WIPF3: variants seen among roughly 807,000 people sequenced by gnomAD.
The protein encoded by WIPF3 is WAS/WASL interacting protein family member 3.
A neutral mutation model predicts 38.9 loss-of-function variants in WIPF3; 33 were observed. That is an observed-to-expected ratio of 0.85 (90% CI 0.64 to 1.14). The LOEUF is 1.14. WIPF3 is among the 50% of genes most tolerant of loss of function. The pLI is 0.00. For synonymous variants in WIPF3, 324 were observed against 269.3 expected (o/e 1.20, Z -1.99); for missense variants, 711 against 652.5 (o/e 1.09, Z -0.98).
intron 2 of WIPF3, among the ~76,000 whole-genome samples, chr7:29,846,043 AAG>A (rs1453139320): frequency 2.0e-5 from 3 of 152,262 alleles, no homozygotes; most frequent in African/African-American, 7.2e-5. Flanking sequence ...AAAATTAAAA[AAG>A]AACACCCTCA....
rs140127472 is a variant in WIPF3, at chr7:29,823,670, A to T, written c.-57-10998A>T. 1.6e-3 allele frequency among the ~76,000 whole-genome samples: 241 copies of T among 152,234 alleles called. 1 individual carries two copies. Among genetic ancestry groups the T allele is most frequent in the Middle Eastern group, 3.4e-3 (1 of 294 alleles). On this transcript the variant is annotated intron_variant, in intron 1 of 8. Transcript: ENST00000242140. This position sits in a 1 kb window ranked among gnomAD's most constrained non-coding sequence, Gnocchi z 4.0. ...ATCTCATGTCGAACTGTAATCCCCAATGTTGGAGGTGGGGCCTGGTGGCAG... is the reference window on the plus strand; with the variant it reads ...ATCTCATGTCGAACTGTAATCCCCATTGTTGGAGGTGGGGCCTGGTGGCAG...
At chr7:29,849,254 A>G (rs956962678) in intron 2 of WIPF3, among the ~76,000 whole-genome samples, 5 of 152,040 alleles carry the variant, frequency 3.3e-5, no homozygotes, top group African/African-American at 1.2e-4. Flanking sequence ...CTTTTCTCCT[A>G]AGAGTGGAAA....
chr7:29,856,442 A>G (rs750779286), intron 2 of WIPF3, among the ~76,000 whole-genome samples: 6 of 152,094 alleles, frequency 3.9e-5, no homozygotes, highest in Non-Finnish European at 5.9e-5. Flanking sequence ...AGCATGAGCA[A>G]CAAAATGAGA....
At chr7:29,812,625 A>G (rs1440931664) in intron 1 of WIPF3, among the ~76,000 whole-genome samples, 1 of 152,240 alleles carries the variant, frequency 6.6e-6, no homozygotes, top group Non-Finnish European at 1.5e-5. Context: ...CTCATTGGCC[A>G]GAACAGTGTC....
intron 2 of WIPF3, among the ~76,000 whole-genome samples, chr7:29,853,887 A>G (rs73686252): frequency 0.024 from 3,595 of 152,270 alleles, 123 homozygotes; most frequent in African/African-American, 0.073. Flanking sequence ...TCCTTCTACT[A>G]CCGTTTTCCT....
At chr7:29,896,558 G>T (rs1427783346) in intron 7 of WIPF3, among the ~76,000 whole-genome samples, 2 of 152,176 alleles carry the variant, frequency 1.3e-5, no homozygotes, top group African/African-American at 4.8e-5. Flanking sequence ...GGAGGTTGCA[G>T]TGAGCCATAA....
intron 2 of WIPF3, among the ~76,000 whole-genome samples, chr7:29,843,454 G>A (rs372473332): frequency 2.6e-5 from 4 of 152,160 alleles, no homozygotes; most frequent in Admixed American, 6.5e-5. Flanking sequence ...AGCATAAGCC[G>A]CTCGCAGGCG....
At chr7:29,821,508 A>G (rs1784536185) in intron 1 of WIPF3, among the ~76,000 whole-genome samples, 1 of 152,138 alleles carries the variant, frequency 6.6e-6, no homozygotes, top group African/African-American at 2.4e-5. Context: ...TTCCAGGCTC[A>G]TGAACTCCTG....
At chr7:29,861,413 G>A (rs1785273001) in intron 2 of WIPF3, among the ~76,000 whole-genome samples, 1 of 152,182 alleles carries the variant, frequency 6.6e-6, no homozygotes, top group Non-Finnish European at 1.5e-5. Flanking sequence ...AACTTTACAA[G>A]AGAGATTTTT....
intron 1 of WIPF3, among the ~76,000 whole-genome samples, chr7:29,820,627 C>T (rs1291376878): frequency 6.6e-6 from 1 of 152,110 alleles, no homozygotes; most frequent in Non-Finnish European, 1.5e-5. Flanking sequence ...GATTCCCCAA[C>T]AGAAATGATA....
chr7:29,876,520 T>C (rs889969190), intron 3 of WIPF3, among the ~76,000 whole-genome samples: 3 of 152,246 alleles, frequency 2.0e-5, no homozygotes, highest in Non-Finnish European at 2.9e-5. Flanking sequence ...CTTAGCATAA[T>C]GTTTTCAAGC....
chr7:29,877,233 T>C (rs1785617941), intron 3 of WIPF3, among the ~76,000 whole-genome samples: 1 of 152,172 alleles, frequency 6.6e-6, no homozygotes, highest in South Asian at 2.1e-4. Flanking sequence ...AAAACCATTG[T>C]TGATGAAGCA....
chr7:29,815,581 A>G (rs1160563502), intron 1 of WIPF3, among the ~76,000 whole-genome samples: 1 of 152,186 alleles, frequency 6.6e-6, no homozygotes, highest in Admixed American at 6.5e-5. Flanking sequence ...CTAGGGAGGC[A>G]GTATTTTGTG....
chr7:29,883,891 C>A lies in WIPF3; in HGVS notation c.397C>A (p.Pro133Thr). ...GQGPGSRAPS[P>T]RLPNKTISGP... is the part of the protein sequence containing the mutation. Reference sequence around the variant, plus strand: ...GGGCCCTGGCTCCCGCGCGCCCTCTCCCAGGCTTCCCAACAAAACCATCAG... The same window carrying A: ...GGGCCCTGGCTCCCGCGCGCCCTCTACCAGGCTTCCCAACAAAACCATCAG... Residue 133 changes from proline to threonine, a missense_variant, in exon 5 of 9, where the codon CCC (proline) becomes ACC (threonine). Coordinates refer to ENST00000242140, the MANE Select transcript of WIPF3 (RefSeq NM_001080529.3). 6.3e-7 allele frequency: 1 copy of A among 1,577,794 alleles called. No homozygotes were observed. Among genetic ancestry groups the A allele is most frequent in the Non-Finnish European group, 8.6e-7 (1 of 1,160,244 alleles).
intron 7 of WIPF3, among the ~76,000 whole-genome samples, chr7:29,902,854 A>G (rs1295017310): frequency 8.6e-5 from 10 of 116,354 alleles, no homozygotes; most frequent in African/African-American, 2.7e-4. Context: ...AACAAAAAAG[A>G]GCGTGTTTTT....
intron 8 of WIPF3, among the ~76,000 whole-genome samples, chr7:29,908,119 A>G (rs182428454): frequency 2.3e-4 from 35 of 152,344 alleles, no homozygotes; most frequent in African/African-American, 7.5e-4. Context: ...CAAGAGACTC[A>G]GTTTAGCTAT....
chr7:29,851,645 C>T (rs1324072308), intron 2 of WIPF3, among the ~76,000 whole-genome samples: 3 of 152,326 alleles, frequency 2.0e-5, no homozygotes, highest in East Asian at 3.9e-4. Flanking sequence ...GACTTTATGA[C>T]GTTCAATGTC....
chr7:29,896,421 C>T (rs1431546495), intron 7 of WIPF3, among the ~76,000 whole-genome samples: 3 of 152,146 alleles, frequency 2.0e-5, no homozygotes, highest in African/African-American at 4.8e-5. Flanking sequence ...TCGAGACGAG[C>T]CTGGGCAACA....
At chr7:29,828,434 C>T (rs1236067168) in intron 1 of WIPF3, among the ~76,000 whole-genome samples, 3 of 152,148 alleles carry the variant, frequency 2.0e-5, no homozygotes, top group Middle Eastern at 3.4e-3. Flanking sequence ...GAATAGCTCC[C>T]GCTAAAGAGG....
Sources: gnomAD v4.1 joint callset for allele counts (sites outside exome capture counted in the v4.1 genomes callset) on GRCh38, gnomAD v4.1.1 for gene constraint, Gnocchi (gnomAD v3.1) non-coding constraint, MANE v1.5 for transcripts, NCBI Gene and HGNC (gene_info 2026-07-23, HGNC 2026-07-21) for gene names.